The following ZNF90 variants were observed in gnomAD, a reference collection of about 807,000 sequenced individuals.
ZNF90 encodes zinc finger protein HTF9.
Under a neutral mutation model 12.0 loss-of-function variants are expected in ZNF90, and 11 were observed. That is an observed-to-expected ratio of 0.92 (90% CI 0.58 to 1.52). The LOEUF is 1.52. Ranked by LOEUF, ZNF90 falls within the 40% of genes most tolerant of loss-of-function variation. The pLI is 0.00. For missense variants in ZNF90, 765 were observed against 711.5 expected (o/e 1.08, Z -0.86); for synonymous variants, 232 against 240.1 (o/e 0.97, Z 0.31).
At chr19:20,088,864 G>A (rs1246795738) in intron 1 of ZNF90, among the ~76,000 whole-genome samples, 1 of 152,194 alleles carries the variant, frequency 6.6e-6, no homozygotes, top group Non-Finnish European at 1.5e-5. Flanking sequence ...GTCCTAAACG[G>A]ACCATCAAGG....
Position 20,120,672 on chromosome 19 carries a change from C to T in ZNF90, c.*1312C>T, listed in dbSNP as rs1555706455. ...TAGAATAAGGCACTGATACTTCAGA[C>T]ATTACACTAAAACAGTGTTGAGTAT... On this transcript the variant is annotated 3_prime_UTR_variant, in exon 4 of 4. Transcript: ENST00000418063. 1.3e-5 allele frequency among the ~76,000 whole-genome samples: 2 copies of T among 152,094 alleles called. No individual in the cohort carries two copies. The highest frequency in any genetic ancestry group is 2.4e-5 in the African/African-American group (1 of 41,422).
chr19:20,103,955 C>T (rs1486517327), intron 1 of ZNF90, among the ~76,000 whole-genome samples: 1 of 152,142 alleles, frequency 6.6e-6, no homozygotes, highest in Non-Finnish European at 1.5e-5. Context: ...CTAAATATAG[C>T]ACTCAAAAAT....
In ZNF90 at chr19:20,096,890, A is replaced by T. The variant is rs145967862; in HGVS notation, c.4-7349A>T. ...TAGAACCCTATTTAACCTTTTTTGT[A>T]GCAGAGTGAAACCCTACCTTCAGCA... On this transcript the variant is annotated intron_variant, in intron 1 of 3. Transcript: ENST00000418063. Among the ~76,000 whole-genome samples, 209 of 152,290 alleles carry T rather than the reference A, an allele frequency of 1.4e-3. 1 individual carries two copies. The highest frequency in any genetic ancestry group is 5.0e-3 in the African/African-American group (208 of 41,566).
chr19:20,105,765 A>G, intron 3 of ZNF90, among the ~76,000 whole-genome samples: 1 of 152,164 alleles, frequency 6.6e-6, no homozygotes, highest in East Asian at 1.9e-4. Context: ...TTTTATTACT[A>G]TATAGTCTTA....
rs1457875289 is a variant in ZNF90 at position 20,095,134 on chromosome 19, TGA to T, written c.4-9103_4-9102del. On this transcript the variant is annotated intron_variant, in intron 1 of 3. Transcript: ENST00000418063. ...ACTCAGCGATGCTTGGGGTTGGGAC[TGA>T]GGGGACAGGCGGGAGGGAAAGAAGG... Among the ~76,000 whole-genome samples, 21 of 151,920 alleles carry T rather than the reference TGA, an allele frequency of 1.4e-4. 1 individual carries two copies. In the South Asian group the frequency reaches 4.4e-3, roughly 32 times the overall value.
intron 3 of ZNF90, among the ~76,000 whole-genome samples, chr19:20,112,760 C>G (rs1555705272): frequency 1.3e-5 from 2 of 151,968 alleles, no homozygotes; most frequent in African/African-American, 2.4e-5. Context: ...TTTGTTACAT[C>G]AAAATTTGGG....
At chr19:20,117,511 C>T in intron 3 of ZNF90, 1 of 810,266 alleles carries the variant, frequency 1.2e-6, no homozygotes, top group Non-Finnish European at 1.5e-6. Context: ...GATCTTGGGT[C>T]ACCGCAATCT....
At chr19:20,078,423 G>A (rs2088794423) in intron 1 of ZNF90, among the ~76,000 whole-genome samples, 1 of 152,082 alleles carries the variant, frequency 6.6e-6, no homozygotes, top group African/African-American at 2.4e-5. Context: ...GCACGGGAGG[G>A]TTCTCGGGGG....
chr19:20,098,078 G>C (rs2088962407), intron 1 of ZNF90, among the ~76,000 whole-genome samples: 1 of 151,998 alleles, frequency 6.6e-6, no homozygotes, highest in Non-Finnish European at 1.5e-5. Flanking sequence ...CAAATAAGCT[G>C]TCTACTTATA....
intron 3 of ZNF90, among the ~76,000 whole-genome samples, chr19:20,110,426 C>A (rs1469658580): frequency 1.3e-5 from 2 of 151,910 alleles, no homozygotes; most frequent in Non-Finnish European, 2.9e-5. Context: ...TTACAGGCAC[C>A]CACTACCATG....
At chr19:20,116,751 G>A (rs1308635930) in intron 3 of ZNF90, among the ~76,000 whole-genome samples, 1 of 151,958 alleles carries the variant, frequency 6.6e-6, no homozygotes, top group Non-Finnish European at 1.5e-5. Flanking sequence ...TAGTTAAATG[G>A]CTTATTTTTT....
rs1465342358 is a variant in ZNF90, at chr19:20,120,666, T to G, written c.*1306T>G. On this transcript the variant is annotated 3_prime_UTR_variant, in exon 4 of 4. Coordinates refer to ENST00000418063, the MANE Select transcript of ZNF90 (RefSeq NM_007138.2). ...TTACAGTAGAATAAGGCACTGATAC[T>G]TCAGACATTACACTAAAACAGTGTT... is the stretch of plus-strand genomic sequence containing the variant. Among the ~76,000 whole-genome samples the G allele has an allele frequency of 3.9e-5, 6 of 152,288 alleles. No homozygotes were observed. Among genetic ancestry groups the G allele is most frequent in the African/African-American group, 1.4e-4 (6 of 41,574 alleles).
intron 1 of ZNF90, among the ~76,000 whole-genome samples, chr19:20,079,113 C>G (rs1378213066): frequency 3.3e-5 from 4 of 120,530 alleles, no homozygotes; most frequent in African/African-American, 1.6e-4. Context: ...AGGGAGAGTC[C>G]TCAAAAAAAA....
chr19:20,079,978 C>T (rs2088807960), intron 1 of ZNF90: 5 of 341,518 alleles, frequency 1.5e-5, no homozygotes, highest in South Asian at 1.0e-4. Context: ...TCTTATTGCC[C>T]AGGCTGGAGT....
chr19:20,081,892 G>C (rs2088822887), intron 1 of ZNF90, among the ~76,000 whole-genome samples: 1 of 151,798 alleles, frequency 6.6e-6, no homozygotes, highest in Non-Finnish European at 1.5e-5. Context: ...AGCCTGCTGA[G>C]CAGCTGGGAC....
At chr19:20,103,222 T>G (rs2089004321) in intron 1 of ZNF90, among the ~76,000 whole-genome samples, 1 of 151,854 alleles carries the variant, frequency 6.6e-6, no homozygotes, top group South Asian at 2.1e-4. Flanking sequence ...AATGTGGAGG[T>G]CGAAAGGACA....
At chr19:20,104,435 A>T (rs2089014598) in intron 2 of ZNF90, 70 bp downstream of exon 2, 3 of 1,511,138 alleles carry the variant, frequency 2.0e-6, no homozygotes, top group Non-Finnish European at 2.7e-6. Flanking sequence ...TTGTGGAATG[A>T]TTTTTAGTAA....
chr19:20,087,463 C>A (rs1427319551), intron 1 of ZNF90: 3 of 152,130 alleles, frequency 2.0e-5, no homozygotes, highest in African/African-American at 7.2e-5. Context: ...TTCCTTGTCA[C>A]CATTATAAGT....
chr19:20,098,362 T>C (rs536937509), intron 1 of ZNF90, among the ~76,000 whole-genome samples: 2 of 152,366 alleles, frequency 1.3e-5, no homozygotes, highest in South Asian at 4.1e-4. Context: ...TGTGGCATTT[T>C]GAGATTTTCA....
Sources: allele counts gnomAD v4.1 joint callset (sites outside exome capture counted in the v4.1 genomes callset), GRCh38; gene constraint gnomAD v4.1.1; transcripts MANE v1.5; gene names NCBI Gene and HGNC (gene_info 2026-07-23, HGNC 2026-07-21).